Variants in KCNG4 observed in about 807,000 individuals in gnomAD.
KCNG4 encodes the protein voltage-gated potassium channel regulatory subunit KCNG4.
In KCNG4, 30 loss-of-function variants were observed where a neutral mutation model predicts 28.2. That is an observed-to-expected ratio of 1.06 (90% CI 0.80 to 1.44). KCNG4 has a LOEUF of 1.44. KCNG4 is among the 40% of genes most tolerant of loss of function. The pLI is 0.00. For missense variants in KCNG4, 879 were observed against 712.3 expected, an observed-to-expected ratio of 1.23 and a Z score of -2.66; for synonymous variants, 375 against 315.5, an observed-to-expected ratio of 1.19 and a Z score of -2.00.
chr16:84,239,851 C>T lies in KCNG4; in HGVS notation c.-222G>A, dbSNP rs1392963862. On this transcript the variant is annotated 5_prime_UTR_variant, in exon 1 of 3. The change creates a premature stop within an existing upstream ORF in the 5' untranslated region. Transcript: ENST00000308251. ...TTCTTCCCGTGCCTCCTCCAGAAAC[C>T]AGAAGTTCATTCATTCTGCATCTCT... 1 of 152,060 alleles carries T rather than the reference C, an allele frequency of 6.6e-6. No homozygotes were observed. The allele number at this position is 152,060 out of a possible 1,614,324, so 9.4% of individuals were successfully genotyped here.
At position 84,222,535 on chromosome 16, in the gene KCNG4, G is replaced by A. The variant is rs547277306; in HGVS notation, c.1242C>T (p.Ile414=). The part of the protein sequence containing the change: ...SIPASYWWAI[I]SMTTVGYGDM... ...CCCCGTAGCCCACCGTTGTCATGGA[G>A]ATGATGGCCCACCAATAGGAGGCGG... is the stretch of plus-strand genomic sequence containing the variant. The change falls in exon 3 of 3, where the codon ATC becomes ATT. Residue 414 remains isoleucine (I), a synonymous_variant. Transcript: ENST00000308251. 1.2e-5 allele frequency: 19 copies of A among 1,613,660 alleles called. No individual in the cohort carries two copies. In the East Asian group the frequency reaches 3.8e-4, roughly 32 times the overall value.
Position 84,222,400 on chromosome 16 carries a change from G to A in KCNG4, c.1377C>T (p.His459=). Residue 459 remains histidine (H), a synonymous_variant, in exon 3 of 3, where the codon CAC becomes CAT. Transcript: ENST00000308251. ...PATSIFHTFS[H]SYLELKKEQE... is the part of the protein sequence containing the mutation. ...GCTCCTTCTTGAGCTCCAGGTAGGAGTGGGAGAAGGTGTGGAAGATAGACG... is the reference window on the plus strand; with the variant it reads ...GCTCCTTCTTGAGCTCCAGGTAGGAATGGGAGAAGGTGTGGAAGATAGACG... 1.2e-6 allele frequency: 2 copies of A among 1,614,214 alleles called. No individual in the cohort carries two copies. Among genetic ancestry groups the A allele is most frequent in the East Asian group, 2.2e-5 (1 of 44,882 alleles).
intron 1 of KCNG4, among the ~76,000 whole-genome samples, chr16:84,237,859 AG>A (rs1332129761): frequency 1.3e-5 from 2 of 152,158 alleles, no homozygotes; most frequent in Non-Finnish European, 2.9e-5. Context: ...CTGTGGTCTC[AG>A]GTATGTGGCT....
At chr16:84,228,206 G>A (rs1348814369) in intron 2 of KCNG4, among the ~76,000 whole-genome samples, 1 of 152,190 alleles carries the variant, frequency 6.6e-6, no homozygotes, top group East Asian at 1.9e-4. Context: ...TCTGGGAGGG[G>A]CTCAGGGCCC....
At position 84,222,546 on chromosome 16, in the gene KCNG4, A is replaced by G; in HGVS notation, c.1231T>C (p.Trp411Arg). 6.2e-7 allele frequency: 1 copy of G among 1,613,556 alleles called. No homozygotes were observed. The highest frequency in any genetic ancestry group is 8.5e-7 in the Non-Finnish European group (1 of 1,179,978). ...ACCGTTGTCATGGAGATGATGGCCC[A>G]CCAATAGGAGGCGGGGATGCTGGTG... ...EFTSIPASYW[W>R]AIISMTTVGY... Residue 411 changes from tryptophan (W) to arginine (R), a missense_variant, in exon 3 of 3, where the codon TGG becomes CGG. Trp to Arg is a moderately radical substitution (Grantham distance 101). Transcript: ENST00000308251.
chr16:84,227,183 T>C (rs984736373), intron 2 of KCNG4, among the ~76,000 whole-genome samples: 5 of 152,158 alleles, frequency 3.3e-5, no homozygotes, highest in African/African-American at 7.2e-5. Context: ...TGGAAACAGT[T>C]TGGCAGGTCC....
chr16:84,228,790 C>T (rs984181430), intron 2 of KCNG4, among the ~76,000 whole-genome samples: 17 of 152,364 alleles, frequency 1.1e-4, no homozygotes, highest in African/African-American at 3.1e-4. Flanking sequence ...TCCCACAGGG[C>T]GATTGTGGGC....
At chr16:84,229,241 C>T (rs563857085) in intron 2 of KCNG4, among the ~76,000 whole-genome samples, 23 of 150,112 alleles carry the variant, frequency 1.5e-4, no homozygotes, top group Admixed American at 1.5e-3. Flanking sequence ...GGAGGAGAGC[C>T]GAGATTGTAC....
At position 84,220,571 on chromosome 16, in the gene KCNG4, ACT is replaced by A; in HGVS notation, c.*1644_*1645del. The A allele has an allele frequency of 6.6e-6, 1 of 152,258 alleles. No homozygotes were observed. Among genetic ancestry groups the A allele is most frequent in the South Asian group, 2.1e-4 (1 of 4,820 alleles). The allele number at this position is 152,258 out of a possible 1,614,324, so 9.4% of individuals were successfully genotyped here. On this transcript the variant is annotated 3_prime_UTR_variant, in exon 3 of 3. Transcript: ENST00000308251. Reference sequence around the variant, plus strand: ...TGTTACCAGTGGTAAAATGCTGACCACTCTCATACGTACACGATATCAGATTG... The same window carrying A: ...TGTTACCAGTGGTAAAATGCTGACCACTCATACGTACACGATATCAGATTG...
chr16:84,222,042 C>A lies in KCNG4; in HGVS notation c.*175G>T. Reference sequence around the variant, plus strand: ...ACACAGTCAGCCTGGGACATCGGGGCCCCGAGGGACAAGGATCACAGACAC... The same window carrying A: ...ACACAGTCAGCCTGGGACATCGGGGACCCGAGGGACAAGGATCACAGACAC... On this transcript the variant is annotated 3_prime_UTR_variant, in exon 3 of 3. Coordinates refer to ENST00000308251, the MANE Select transcript of KCNG4 (RefSeq NM_172347.3). The A allele has an allele frequency of 2.8e-6, 2 of 713,766 alleles. No homozygotes were observed. Among genetic ancestry groups the A allele is most frequent in the South Asian group, 3.6e-5 (2 of 56,068 alleles). 44.2% of individuals were successfully genotyped at this position (713,766 alleles called of 1,614,324 possible).
At chr16:84,238,081 A>G (rs1056381905) in intron 1 of KCNG4, among the ~76,000 whole-genome samples, 2 of 152,170 alleles carry the variant, frequency 1.3e-5, no homozygotes, top group Admixed American at 1.3e-4. Context: ...GAGTGCCCAC[A>G]TCGTAGGGCA....
At chr16:84,236,493 G>A (rs35311632) in intron 2 of KCNG4, 38,427 of 576,124 alleles carry the variant, frequency 0.067, 1,553 homozygotes, top group East Asian at 0.078. Context: ...GCCACGTAAT[G>A]ATTTTCACGG....
chr16:84,236,025 A>C (rs539502517), intron 2 of KCNG4: 4 of 152,156 alleles, frequency 2.6e-5, no homozygotes, highest in African/African-American at 7.2e-5. Flanking sequence ...AGCACTTTTT[A>C]CTCTGGCCTC....
rs35379218 is a variant in KCNG4 at position 84,237,464 on chromosome 16, C to G, written c.22G>C (p.Gly8Arg). ...TGGTGGTGTCTGGGATGCAGGCCCC[C>G]GTCTCTGGAAGGCATGGGCATTGCT... MPMPSRDGGLHPRHHHYG... is the reference protein window; with the variant it reads MPMPSRDRGLHPRHHHYG... Residue 8 changes from glycine to arginine, a missense_variant, in exon 2 of 3, where the codon GGG (glycine) becomes CGG (arginine). Gly to Arg is a moderately radical substitution (Grantham distance 125). Transcript: ENST00000308251. The G allele has an allele frequency of 1.3e-6, 2 of 1,497,818 alleles. No homozygotes were observed. The allele number at this position is 1,497,818 out of a possible 1,614,324, so 92.8% of individuals were successfully genotyped here. A position where few individuals can be genotyped will look rare whatever the true frequency, so the allele number is the denominator to read the frequency against.
At chr16:84,228,270 C>T (rs74382793) in intron 2 of KCNG4, among the ~76,000 whole-genome samples, 9,828 of 152,304 alleles carry the variant, frequency 0.065, 378 homozygotes, top group Middle Eastern at 0.099. Flanking sequence ...CAGCAAAATG[C>T]TGCCAGCCCC....
At chr16:84,232,039 C>G (rs1347693666) in intron 2 of KCNG4, among the ~76,000 whole-genome samples, 2 of 148,454 alleles carry the variant, frequency 1.3e-5, no homozygotes, top group African/African-American at 5.0e-5. Flanking sequence ...AGGACTAGAT[C>G]TCGAATCCTG....
At chr16:84,234,902 T>C (rs1904910839) in intron 2 of KCNG4, among the ~76,000 whole-genome samples, 1 of 152,186 alleles carries the variant, frequency 6.6e-6, no homozygotes, top group African/African-American at 2.4e-5. Context: ...CCCTGCTCTC[T>C]GAATTATTAT....
At chr16:84,232,626 G>A (rs184127805) in intron 2 of KCNG4, among the ~76,000 whole-genome samples, 274 of 152,266 alleles carry the variant, frequency 1.8e-3, no homozygotes, top group African/African-American at 6.4e-3. Context: ...GGGCTGGGGT[G>A]CAGTGACTCA....
chr16:84,236,424 A>C, intron 2 of KCNG4: 1 of 448,546 alleles, frequency 2.2e-6, no homozygotes, highest in East Asian at 3.4e-5. Flanking sequence ...CAGACTCGGG[A>C]GAGCTGGGAG....
Sources: gnomAD v4.1 joint callset for allele counts (sites outside exome capture counted in the v4.1 genomes callset) on GRCh38, gnomAD v4.1.1 for gene constraint, MANE v1.5 for transcripts, NCBI Gene and HGNC (gene_info 2026-07-23, HGNC 2026-07-21) for gene names.